GSK3B: variants seen among roughly 807,000 people sequenced by gnomAD.
GSK3B encodes the protein glycogen synthase kinase-3 beta.
Under a neutral mutation model 56.4 loss-of-function variants are expected in GSK3B, and 15 were observed. That is an observed-to-expected ratio of 0.27 (90% confidence interval 0.18 to 0.41). The LOEUF is 0.41. GSK3B is among the 10% of genes least tolerant of loss of function. The pLI is 1.00. For synonymous variants in GSK3B, 181 were observed against 188.9 expected, an observed-to-expected ratio of 0.96 and a Z score of 0.34; for missense variants, 300 against 513.4, an observed-to-expected ratio of 0.58 and a Z score of 4.02.
intron 1 of GSK3B, among the ~76,000 whole-genome samples, chr3:120,092,494 A>C (rs779998461): frequency 3.8e-4 from 58 of 152,228 alleles, no homozygotes; most frequent in Non-Finnish European, 6.8e-4. Flanking sequence ...CCAAAATTGA[A>C]CTTAAATGTA....
intron 2 of GSK3B, among the ~76,000 whole-genome samples, chr3:119,992,572 T>A (rs1371957041): frequency 6.6e-6 from 1 of 150,994 alleles, no homozygotes; most frequent in Non-Finnish European, 1.5e-5. Flanking sequence ...TTTATAACCA[T>A]AACACAAAAT....
intron 3 of GSK3B, among the ~76,000 whole-genome samples, chr3:119,932,178 T>A (rs1461731398): frequency 6.6e-6 from 1 of 152,198 alleles, no homozygotes; most frequent in African/African-American, 2.4e-5. Context: ...TGTAATGCAA[T>A]ACAACATATT....
intron 8 of GSK3B, chr3:119,866,718 T>C: frequency 2.4e-6 from 2 of 825,052 alleles, no homozygotes; most frequent in South Asian, 1.5e-5. Flanking sequence ...TCCAATGTTA[T>C]AAGAAATCCA....
rs188115351 is a variant in GSK3B, at chr3:119,992,516, G to T, written c.282+9530C>A. Reference sequence around the variant, plus strand: ...AACTGAACCCTGATAACTACTAGAGGAAAATATAGATGACTTCCTCTTTAA... The same window carrying T: ...AACTGAACCCTGATAACTACTAGAGTAAAATATAGATGACTTCCTCTTTAA... On this transcript the variant is annotated intron_variant, in intron 2 of 10. Coordinates refer to ENST00000264235, the MANE Select transcript of GSK3B (RefSeq NM_001146156.2). Among the ~76,000 whole-genome samples, 8 of 152,010 alleles carry T rather than the reference G, an allele frequency of 5.3e-5. No individual in the cohort carries two copies. The East Asian group carries it at 1.5e-3, about 29-fold the overall frequency.
chr3:119,919,519 GA>G (rs1166564827), intron 4 of GSK3B, among the ~76,000 whole-genome samples: 29 of 37,818 alleles, frequency 7.7e-4, no homozygotes, highest in South Asian at 3.9e-3. Context: ...GGTTACATAA[GA>G]AAAAAAAAAA....
intron 8 of GSK3B, among the ~76,000 whole-genome samples, chr3:119,872,492 A>G (rs987487270): frequency 2.0e-5 from 3 of 152,178 alleles, no homozygotes; most frequent in African/African-American, 7.2e-5. Context: ...AATTTTAAAT[A>G]GGAGTGACAG....
At chr3:120,005,385 T>C (rs1237423425) in intron 1 of GSK3B, among the ~76,000 whole-genome samples, 1 of 152,008 alleles carries the variant, frequency 6.6e-6, no homozygotes, top group East Asian at 1.9e-4. Context: ...TTCCCCAACA[T>C]AGCAAGGCAG....
chr3:119,893,973 ACTGCTGTC>A (rs1308711557), intron 7 of GSK3B, among the ~76,000 whole-genome samples: 5 of 151,996 alleles, frequency 3.3e-5, no homozygotes, highest in Non-Finnish European at 7.4e-5. Flanking sequence ...TGCAATCATC[ACTGCTGTC>A]TAATTTTAGA....
intron 8 of GSK3B, among the ~76,000 whole-genome samples, chr3:119,869,737 C>T (rs1185387065): frequency 6.6e-6 from 1 of 152,216 alleles, no homozygotes; most frequent in Non-Finnish European, 1.5e-5. Flanking sequence ...CTCATCAACG[C>T]TGAATGAACC....
Position 119,890,103 on chromosome 3 carries a change from T to C in GSK3B, c.814-13595A>G, listed in dbSNP as rs114930987. Among the ~76,000 whole-genome samples the C allele has an allele frequency of 4.2e-3, 642 of 152,198 alleles. 1 individual carries two copies. Among genetic ancestry groups the C allele is most frequent in the African/African-American group, 0.015 (606 of 41,538 alleles). On this transcript the variant is annotated intron_variant, in intron 7 of 10. Transcript: ENST00000264235. ...GGAAAATAGTTTGGTAACCATACAC[T>C]TACCATATGATCAGCAATTTCAGCC...
chr3:119,834,063 CAT>C (rs1379557782), intron 10 of GSK3B, among the ~76,000 whole-genome samples: 5 of 152,112 alleles, frequency 3.3e-5, no homozygotes, highest in Admixed American at 6.5e-5. Context: ...CTTCCAAGCA[CAT>C]TTTACGTGTT....
intron 3 of GSK3B, among the ~76,000 whole-genome samples, chr3:119,941,317 G>A (rs1559846153): frequency 1.3e-5 from 2 of 152,108 alleles, no homozygotes; most frequent in South Asian, 4.1e-4. Context: ...CTTGACTGGC[G>A]TAATACTACT....
intron 1 of GSK3B, among the ~76,000 whole-genome samples, chr3:120,055,729 C>T (rs2107546985): frequency 6.6e-6 from 1 of 152,274 alleles, no homozygotes; most frequent in East Asian, 1.9e-4. Flanking sequence ...GATATGTCTA[C>T]TGTTTCATCC....
intron 1 of GSK3B, among the ~76,000 whole-genome samples, chr3:120,049,993 C>CA (rs1245114941): frequency 6.6e-6 from 1 of 152,210 alleles, no homozygotes; most frequent in Non-Finnish European, 1.5e-5. Flanking sequence ...ATTCACCTCA[C>CA]AGTTCTACAG....
chr3:120,081,464 T>A (rs1336292622), intron 1 of GSK3B, among the ~76,000 whole-genome samples: 1 of 152,108 alleles, frequency 6.6e-6, no homozygotes, highest in African/African-American at 2.4e-5. Context: ...GGAGAATCGC[T>A]TGAACCCAGG....
intron 2 of GSK3B, among the ~76,000 whole-genome samples, chr3:119,989,665 T>G (rs944784595): frequency 6.8e-6 from 1 of 146,196 alleles, no homozygotes; most frequent in Non-Finnish European, 1.5e-5. Context: ...AAAAAGGAAA[T>G]AAAAAGCTAA....
At chr3:120,033,146 T>C (rs2057992362) in intron 1 of GSK3B, among the ~76,000 whole-genome samples, 1 of 152,256 alleles carries the variant, frequency 6.6e-6, no homozygotes, top group African/African-American at 2.4e-5. Context: ...TAGAATGTTT[T>C]CCAGGTTCAT....
At chr3:120,091,929 T>A (rs1357059451) in intron 1 of GSK3B, among the ~76,000 whole-genome samples, 2 of 152,174 alleles carry the variant, frequency 1.3e-5, no homozygotes, top group African/African-American at 4.8e-5. Flanking sequence ...AAATCTTGAG[T>A]TCAACTAAAA....
intron 4 of GSK3B, among the ~76,000 whole-genome samples, chr3:119,923,089 T>C (rs2056859107): frequency 6.6e-6 from 1 of 152,204 alleles, no homozygotes; most frequent in South Asian, 2.1e-4. Context: ...AGAAGTTAAA[T>C]TAAAATGTAC....
Sources: gnomAD v4.1 joint callset for allele counts (sites outside exome capture counted in the v4.1 genomes callset) on GRCh38, gnomAD v4.1.1 for gene constraint, MANE v1.5 for transcripts, NCBI Gene and HGNC (gene_info 2026-07-23, HGNC 2026-07-21) for gene names.